Variants in RANBP10 observed in about 807,000 individuals in gnomAD.
RANBP10 encodes ran-binding protein 10.
A neutral mutation model predicts 72.8 loss-of-function variants in RANBP10; 24 were observed. That is an observed-to-expected ratio of 0.33 (90% CI 0.24 to 0.46). RANBP10 has a LOEUF of 0.46. Ranked by LOEUF, RANBP10 falls within the 20% of genes least tolerant of loss-of-function variation. The pLI is 1.00. For missense variants in RANBP10, 679 were observed against 817.5 expected, an observed-to-expected ratio of 0.83 and a Z score of 2.07; for synonymous variants, 310 against 322.3, an observed-to-expected ratio of 0.96 and a Z score of 0.41.
chr16:67,788,013 A>AT (rs2054948048), intron 2 of RANBP10, among the ~76,000 whole-genome samples: 1 of 151,936 alleles, frequency 6.6e-6, no homozygotes, highest in Non-Finnish European at 1.5e-5. Flanking sequence ...TAATTTTTTT[A>AT]TTTTTAGTAG....
intron 2 of RANBP10, among the ~76,000 whole-genome samples, chr16:67,778,603 C>T (rs948546590): frequency 6.6e-5 from 10 of 152,264 alleles, no homozygotes; most frequent in Middle Eastern, 3.4e-3. Context: ...GTAGTTCCAG[C>T]AATGTGGGAG....
chr16:67,761,730 C>T (rs1439613337), intron 3 of RANBP10, among the ~76,000 whole-genome samples: 1 of 152,086 alleles, frequency 6.6e-6, no homozygotes, highest in African/African-American at 2.4e-5. Flanking sequence ...CCACCACATC[C>T]AGCTAATTTT....
intron 2 of RANBP10, among the ~76,000 whole-genome samples, chr16:67,778,030 G>A (rs537018377): frequency 6.6e-6 from 1 of 152,262 alleles, no homozygotes; most frequent in South Asian, 2.1e-4. Context: ...AAATAACGCT[G>A]GGACATCTGG....
Position 67,806,427 on chromosome 16 carries a change from C to G in RANBP10, c.110G>C (p.Arg37Pro), listed in dbSNP as rs1029014954. Residue 37 changes from arginine (R) to proline (P), a missense_variant, in exon 1 of 14, where the codon CGG (arginine) becomes CCG (proline). Physicochemically the swap from Arg to Pro is moderately radical, Grantham distance 103. Transcript: ENST00000317506. ...CGCGGGATACAGGCGCTGCAAGCGC[C>G]GGCTCAGCTCCTGCTCCCCAGGGGA... Reference protein sequence around the residue: ...LPSPGEQELSRRLQRLYPAVN... With the variant: ...LPSPGEQELSPRLQRLYPAVN... 41 of 1,594,536 alleles carry G rather than the reference C, an allele frequency of 2.6e-5. No individual in the cohort carries two copies. In the East Asian group the frequency reaches 9.4e-4, roughly 37 times the overall value.
chr16:67,782,972 C>A (rs1330951606), intron 2 of RANBP10, among the ~76,000 whole-genome samples: 1 of 151,968 alleles, frequency 6.6e-6, no homozygotes, highest in Non-Finnish European at 1.5e-5. Flanking sequence ...CACCCCAGGA[C>A]ATTTCAGTGA....
At chr16:67,743,514 G>T (rs541611128) in intron 4 of RANBP10, among the ~76,000 whole-genome samples, 15 of 152,240 alleles carry the variant, frequency 9.9e-5, no homozygotes, top group South Asian at 4.1e-4. Context: ...AAATGTCTAC[G>T]CATGTACAGG....
chr16:67,802,579 A>T (rs1236232139), intron 2 of RANBP10, among the ~76,000 whole-genome samples: 1 of 152,170 alleles, frequency 6.6e-6, no homozygotes, highest in Non-Finnish European at 1.5e-5. Context: ...TAGAGGTTGC[A>T]ATGAGCCGAG....
intron 2 of RANBP10, among the ~76,000 whole-genome samples, chr16:67,785,376 A>G (rs1351046506): frequency 2.6e-5 from 4 of 152,122 alleles, no homozygotes; most frequent in Admixed American, 2.6e-4. Context: ...TAGAGATGAT[A>G]CAAAAAGGAT....
At chr16:67,779,505 T>C (rs944616092) in intron 2 of RANBP10, among the ~76,000 whole-genome samples, 29 of 152,184 alleles carry the variant, frequency 1.9e-4, no homozygotes, top group African/African-American at 7.0e-4. Context: ...CTCAAACTCA[T>C]TCTCCTGTAC....
intron 3 of RANBP10, among the ~76,000 whole-genome samples, chr16:67,766,314 C>CA (rs1168503231): frequency 6.6e-6 from 1 of 152,104 alleles, no homozygotes; most frequent in Non-Finnish European, 1.5e-5. Context: ...TGGAAAGCAC[C>CA]AAAAGGGATT....
intron 3 of RANBP10, among the ~76,000 whole-genome samples, chr16:67,758,536 C>T (rs10775302): frequency 0.071 from 10,827 of 152,158 alleles, 542 homozygotes; most frequent in Middle Eastern, 0.19. Context: ...CCCAGGGTCT[C>T]GGGATACAGA....
chr16:67,750,761 CTTTTTTTTT>C (rs914921755), intron 3 of RANBP10, among the ~76,000 whole-genome samples: 1 of 110,254 alleles, frequency 9.1e-6, no homozygotes, highest in Non-Finnish European at 1.8e-5. Context: ...TTTTCACTTT[CTTTTTTTTT>C]TTTTTTTTTT....
At chr16:67,769,090 C>T (rs1234703259) in intron 3 of RANBP10, among the ~76,000 whole-genome samples, 1 of 152,020 alleles carries the variant, frequency 6.6e-6, no homozygotes, top group Non-Finnish European at 1.5e-5. Context: ...TCATATATTT[C>T]CATGCTTTAT....
At chr16:67,797,407 G>T (rs2055153153) in intron 2 of RANBP10, among the ~76,000 whole-genome samples, 1 of 152,270 alleles carries the variant, frequency 6.6e-6, no homozygotes, top group African/African-American at 2.4e-5. Context: ...GGTGGCTCAT[G>T]CCTGTAATCC....
chr16:67,754,883 G>T (rs1218547114), intron 3 of RANBP10, among the ~76,000 whole-genome samples: 2 of 152,206 alleles, frequency 1.3e-5, no homozygotes, highest in Non-Finnish European at 2.9e-5. Context: ...AGTAGGCATG[G>T]TTGTCAAAGG....
intron 1 of RANBP10, 132 bp downstream of exon 1, chr16:67,806,170 C>T: frequency 1.2e-6 from 1 of 863,724 alleles, no homozygotes; most frequent in Non-Finnish European, 1.8e-6. Flanking sequence ...CCACCCTGGA[C>T]ATCCTGAAAG....
intron 13 of RANBP10, 83 bp from the exon 14 acceptor site, chr16:67,726,641 G>A: frequency 6.9e-7 from 1 of 1,442,244 alleles, no homozygotes. Flanking sequence ...TGGAAGGAGG[G>A]GGCAGTGGAC....
chr16:67,727,527 A>C (rs1360523864), intron 12 of RANBP10, 89 bp from the exon 13 acceptor site: 2 of 1,370,016 alleles, frequency 1.5e-6, no homozygotes, highest in Non-Finnish European at 2.0e-6. Context: ...AGGGCCCTGC[A>C]TGATGCCCAG....
chr16:67,745,168 G>T (rs1420836627), intron 3 of RANBP10, among the ~76,000 whole-genome samples: 1 of 151,286 alleles, frequency 6.6e-6, no homozygotes, highest in Non-Finnish European at 1.5e-5. Context: ...AGTAGAGAGG[G>T]GGTTTCACCG....
Sources: gnomAD v4.1 joint callset for allele counts (sites outside exome capture counted in the v4.1 genomes callset) on GRCh38, gnomAD v4.1.1 for gene constraint, MANE v1.5 for transcripts, NCBI Gene and HGNC (gene_info 2026-07-23, HGNC 2026-07-21) for gene names.